Variants in GALNTL6 observed in about 807,000 individuals in gnomAD.
GALNTL6 encodes the protein polypeptide N-acetylgalactosaminyltransferase like 6.
GALNTL6 carries 46 observed loss-of-function variants against 73.7 expected under a neutral mutation model. The ratio of observed to expected loss-of-function variants is 0.62; its 90% CI spans 0.49 to 0.80. The LOEUF is 0.80. Among genes scored for constraint, GALNTL6 ranks in the 30% least tolerant of loss-of-function variants. GALNTL6 has a pLI of 0.00. For synonymous variants in GALNTL6, 259 were observed against 263.7 expected (o/e 0.98, Z 0.17); for missense variants, 604 against 755.0 (o/e 0.80, Z 2.34).
At chr4:172,546,948 CT>C in intron 5 of GALNTL6, among the ~76,000 whole-genome samples, 1 of 151,148 alleles carries the variant, frequency 6.6e-6, no homozygotes, top group East Asian at 1.9e-4. Context: ...GACCAGAGCT[CT>C]TTTCATGTTG....
At chr4:172,164,445 C>T (rs1243171379) in intron 2 of GALNTL6, among the ~76,000 whole-genome samples, 1 of 151,608 alleles carries the variant, frequency 6.6e-6, no homozygotes, top group Non-Finnish European at 1.5e-5. Context: ...TGTTCATAAT[C>T]CAGAAAGTAA....
At chr4:172,782,102 C>G (rs1739398327) in intron 5 of GALNTL6, among the ~76,000 whole-genome samples, 1 of 152,062 alleles carries the variant, frequency 6.6e-6, no homozygotes, top group African/African-American at 2.4e-5. Context: ...CCATAACCTT[C>G]TCTTAATTCT....
chr4:172,383,418 A>G (rs1332696206), intron 5 of GALNTL6, among the ~76,000 whole-genome samples: 2 of 152,080 alleles, frequency 1.3e-5, no homozygotes, highest in Non-Finnish European at 2.9e-5. Flanking sequence ...TTCATTACTA[A>G]TGTATAGACA....
intron 8 of GALNTL6, among the ~76,000 whole-genome samples, chr4:172,925,040 T>C (rs1244535081): frequency 6.6e-6 from 1 of 151,662 alleles, no homozygotes; most frequent in Non-Finnish European, 1.5e-5. Flanking sequence ...CCCGGCTAAT[T>C]TTTTTGTATT....
At chr4:172,275,848 T>C (rs1208277381) in intron 3 of GALNTL6, among the ~76,000 whole-genome samples, 1 of 152,048 alleles carries the variant, frequency 6.6e-6, no homozygotes, top group Non-Finnish European at 1.5e-5. Context: ...TTCCAGCTAC[T>C]CGTGTGGCTG....
At chr4:172,043,950 A>G (rs1482068055) in intron 2 of GALNTL6, among the ~76,000 whole-genome samples, 2 of 152,020 alleles carry the variant, frequency 1.3e-5, no homozygotes, top group Non-Finnish European at 2.9e-5. Context: ...AGTAAGCTTT[A>G]AAGAGATTTG....
intron 7 of GALNTL6, among the ~76,000 whole-genome samples, chr4:172,846,244 A>T (rs1743500137): frequency 6.6e-6 from 1 of 152,234 alleles, no homozygotes. Context: ...AACTACCAGA[A>T]GCCTATTTAA....
At chr4:172,951,943 C>G in intron 9 of GALNTL6, 94 bp from the exon 10 acceptor site, 1 of 1,058,810 alleles carries the variant, frequency 9.4e-7, no homozygotes, top group East Asian at 2.4e-5. Context: ...TTGCCGCTAT[C>G]TTTTCCTTTT....
At chr4:172,412,496 T>G (rs1256805663) in intron 5 of GALNTL6, among the ~76,000 whole-genome samples, 1 of 152,170 alleles carries the variant, frequency 6.6e-6, no homozygotes, top group Non-Finnish European at 1.5e-5. Context: ...AAACCACAGA[T>G]AGCATAACGC....
intron 7 of GALNTL6, among the ~76,000 whole-genome samples, chr4:172,872,505 A>G (rs1744997944): frequency 6.6e-6 from 1 of 152,224 alleles, no homozygotes; most frequent in Non-Finnish European, 1.5e-5. Flanking sequence ...CTAAAAATGC[A>G]AAATGCATTA....
intron 5 of GALNTL6, among the ~76,000 whole-genome samples, chr4:172,395,170 T>C (rs1309863465): frequency 6.6e-6 from 1 of 152,208 alleles, no homozygotes; most frequent in Admixed American, 6.5e-5. Flanking sequence ...AAAGAGGCCA[T>C]CACTACCATT....
At chr4:172,914,451 G>A (rs550752286) in intron 8 of GALNTL6, among the ~76,000 whole-genome samples, 2 of 152,292 alleles carry the variant, frequency 1.3e-5, no homozygotes, top group African/African-American at 2.4e-5. Flanking sequence ...GACACAGACT[G>A]GCAAATTGGA....
intron 5 of GALNTL6, among the ~76,000 whole-genome samples, chr4:172,540,780 C>T (rs1019984736): frequency 6.6e-6 from 1 of 152,060 alleles, no homozygotes; most frequent in African/African-American, 2.4e-5. Flanking sequence ...GACCTGAAGT[C>T]AATAGAAAGG....
chr4:172,298,843 C>G (rs1362383232), intron 3 of GALNTL6, among the ~76,000 whole-genome samples: 1 of 152,064 alleles, frequency 6.6e-6, no homozygotes, highest in African/African-American at 2.4e-5. Flanking sequence ...TTTGTTGTGT[C>G]TCTGCCAGGC....
chr4:171,920,164 G>A (rs1437315266), intron 2 of GALNTL6, among the ~76,000 whole-genome samples: 10 of 151,998 alleles, frequency 6.6e-5, no homozygotes. Context: ...TCACTCTTAG[G>A]TGGGAATTGC....
At chr4:172,127,620 G>T (rs1017223267) in intron 2 of GALNTL6, among the ~76,000 whole-genome samples, 1 of 152,200 alleles carries the variant, frequency 6.6e-6, no homozygotes, top group Non-Finnish European at 1.5e-5. Flanking sequence ...ATTATCAGGT[G>T]ATCACCTAAG....
rs78923507 is a variant in GALNTL6, at chr4:172,398,686, T to C, written c.553+49997T>C. Among the ~76,000 whole-genome samples the C allele has an allele frequency of 2.6e-4, 39 of 152,318 alleles. 1 individual carries two copies. In the East Asian group the frequency reaches 6.0e-3, roughly 23 times the overall value. ...TGAACATCCAGCAAGAAGGTATTGGTTCAATAAACTATAATATATCAACTC... is the reference window on the plus strand; with the variant it reads ...TGAACATCCAGCAAGAAGGTATTGGCTCAATAAACTATAATATATCAACTC... On this transcript the variant is annotated intron_variant, in intron 5 of 12. Transcript: ENST00000506823.
At chr4:172,380,361 A>T in intron 5 of GALNTL6, 1 of 694,930 alleles carries the variant, frequency 1.4e-6, no homozygotes. Flanking sequence ...TGGGAATCCC[A>T]GGGACTGGCA....
At chr4:172,758,008 T>C (rs1215730414) in intron 5 of GALNTL6, among the ~76,000 whole-genome samples, 1 of 152,168 alleles carries the variant, frequency 6.6e-6, no homozygotes, top group South Asian at 2.1e-4. Context: ...GTTGAAGCAT[T>C]GTTTTCCTCC....
Sources: gnomAD v4.1 joint callset for allele counts (sites outside exome capture counted in the v4.1 genomes callset) on GRCh38, gnomAD v4.1.1 for gene constraint, MANE v1.5 for transcripts, NCBI Gene and HGNC (gene_info 2026-07-23, HGNC 2026-07-21) for gene names.